Variants in KDM4B observed in about 807,000 individuals in gnomAD.
The protein encoded by KDM4B is lysine-specific demethylase 4B.
KDM4B carries 32 observed loss-of-function variants against 125.2 expected under a neutral mutation model. The ratio of observed to expected loss-of-function variants is 0.26; its 90% CI spans 0.19 to 0.34. KDM4B has a LOEUF of 0.34. Among genes scored for constraint, KDM4B ranks in the 10% least tolerant of loss-of-function variants. The probability of loss-of-function intolerance (pLI) is 1.00; values close to 1 mark genes in which losing one functional copy is unlikely to be tolerated. For synonymous variants in KDM4B, 721 were observed against 677.9 expected (o/e 1.06, Z -0.99); for missense variants, 1,190 against 1,577.7 (o/e 0.75, Z 4.16).
At chr19:5,069,285 CCTT>C (rs1284902895) in intron 6 of KDM4B, among the ~76,000 whole-genome samples, 3 of 152,098 alleles carry the variant, frequency 2.0e-5, no homozygotes, top group Admixed American at 6.5e-5. Context: ...CCTGCCCCCT[CCTT>C]ATTTATTTTT....
chr19:5,023,617 CCTG>C (rs1354086161), intron 2 of KDM4B, among the ~76,000 whole-genome samples: 8 of 152,156 alleles, frequency 5.3e-5, no homozygotes, highest in Non-Finnish European at 1.0e-4. Flanking sequence ...TGGGGCTTCA[CCTG>C]ATGCCCAGCC....
At chr19:5,012,575 C>G (rs1257435818) in intron 1 of KDM4B, among the ~76,000 whole-genome samples, 1 of 152,204 alleles carries the variant, frequency 6.6e-6, no homozygotes, top group Non-Finnish European at 1.5e-5. Flanking sequence ...CCGACACGTT[C>G]CCTGTGTTTT....
chr19:5,102,671 A>G (rs376287607), intron 9 of KDM4B, among the ~76,000 whole-genome samples: 13 of 152,252 alleles, frequency 8.5e-5, no homozygotes, highest in African/African-American at 3.1e-4. Flanking sequence ...GGCTCCCCTC[A>G]GGCTCTCCCT....
At chr19:5,094,275 G>T (rs2038772752) in intron 9 of KDM4B, among the ~76,000 whole-genome samples, 1 of 152,376 alleles carries the variant, frequency 6.6e-6, no homozygotes, top group South Asian at 2.1e-4. Flanking sequence ...CCTCTGTGAG[G>T]CCCCGGGTGC....
In KDM4B at chr19:5,114,296, C is replaced by T. The variant is rs1392499067; in HGVS notation, c.1115+3478C>T. ...CTGGCCCACTGCTGCTCTGTGAGCC[C>T]GGCTGGGCCCAGGCCTCGTCTCCCC... On this transcript the variant is annotated intron_variant, in intron 10 of 22. Coordinates refer to ENST00000159111, the MANE Select transcript of KDM4B (RefSeq NM_015015.3). This position sits in a 1 kb window ranked among gnomAD's most constrained non-coding sequence, Gnocchi z 5.8. 24 of 1,198,430 alleles carry T rather than the reference C, an allele frequency of 2.0e-5. No individual in the cohort carries two copies. The highest frequency in any genetic ancestry group is 3.1e-5 in the African/African-American group (2 of 64,108). The allele number at this position is 1,198,430 out of a possible 1,614,324, so 74.2% of individuals were successfully genotyped here. A position where few individuals can be genotyped will look rare whatever the true frequency, so the allele number is the denominator to read the frequency against.
intron 10 of KDM4B, among the ~76,000 whole-genome samples, chr19:5,118,828 G>A (rs1404423157): frequency 2.0e-5 from 3 of 152,342 alleles, no homozygotes; most frequent in Admixed American, 1.3e-4. Context: ...CCTCCCCGAT[G>A]TACCCCAGGA....
At chr19:5,002,371 A>G (rs1478162653) in intron 1 of KDM4B, among the ~76,000 whole-genome samples, 1 of 151,062 alleles carries the variant, frequency 6.6e-6, no homozygotes, top group Non-Finnish European at 1.5e-5. Context: ...TGCCCTGCAG[A>G]GTGTTTTTTT....
intron 1 of KDM4B, among the ~76,000 whole-genome samples, chr19:4,976,921 G>A (rs967490502): frequency 3.9e-5 from 6 of 152,250 alleles, no homozygotes; most frequent in Admixed American, 1.3e-4. Flanking sequence ...AAATCGTACC[G>A]TTAATTTACG....
chr19:4,994,969 T>G (rs1460902118), intron 1 of KDM4B, among the ~76,000 whole-genome samples: 1 of 152,232 alleles, frequency 6.6e-6, no homozygotes, highest in Non-Finnish European at 1.5e-5. Context: ...CCTTTTGAAC[T>G]GTGCTTAGCA....
chr19:4,974,358 C>T (rs185723415), intron 1 of KDM4B, among the ~76,000 whole-genome samples: 10 of 149,018 alleles, frequency 6.7e-5, no homozygotes, highest in African/African-American at 1.7e-4. Context: ...GTTGAGATCG[C>T]GCCACTGTAC....
At chr19:5,006,499 G>T (rs2035563920) in intron 1 of KDM4B, among the ~76,000 whole-genome samples, 1 of 152,216 alleles carries the variant, frequency 6.6e-6, no homozygotes. Flanking sequence ...TAGGCCGGGT[G>T]CAGTGGCTCA....
At chr19:5,123,964 C>T (rs1195097992) in intron 11 of KDM4B, among the ~76,000 whole-genome samples, 2 of 151,552 alleles carry the variant, frequency 1.3e-5, no homozygotes, top group African/African-American at 2.4e-5. Context: ...TGAGCCGTGA[C>T]CATTCTCCCC....
At position 5,078,770 on chromosome 19, in the gene KDM4B, G is replaced by A. The variant is rs1031356413; in HGVS notation, c.780+1300G>A. On this transcript the variant is annotated intron_variant, in intron 8 of 22. Coordinates refer to ENST00000159111, the MANE Select transcript of KDM4B (RefSeq NM_015015.3). The surrounding 1 kb of genome is among the most constrained non-coding windows in gnomAD (Gnocchi z 4.5). ...AGTTCCTGAACCTGAGCCAAAGGTG[G>A]CTCACCACCAGCCTCAGAGCGGCTG... 17 of 152,200 alleles carry A rather than the reference G, an allele frequency of 1.1e-4. No homozygotes were observed. Among genetic ancestry groups the A allele is most frequent in the African/African-American group, 3.6e-4 (15 of 41,522 alleles). 9.4% of individuals were successfully genotyped at this position (152,200 alleles called of 1,614,324 possible). A position where few individuals can be genotyped will look rare whatever the true frequency, so the allele number is the denominator to read the frequency against.
rs536598253 is a variant in KDM4B at position 5,078,943 on chromosome 19, G to A, written c.780+1473G>A. 1 of 152,162 alleles carries A rather than the reference G, an allele frequency of 6.6e-6. No individual in the cohort carries two copies. Among genetic ancestry groups the A allele is most frequent in the African/African-American group, 2.4e-5 (1 of 41,448 alleles). 9.4% of individuals were successfully genotyped at this position (152,162 alleles called of 1,614,324 possible). A position where few individuals can be genotyped will look rare whatever the true frequency, so the allele number is the denominator to read the frequency against. ...CCCACTGCAGCGAACAGCACCCTGT[G>A]CCGCCCGGCCTGGGGACCGTCCTTC... On this transcript the variant is annotated intron_variant, in intron 8 of 22. Transcript: ENST00000159111. This position sits in a 1 kb window ranked among gnomAD's most constrained non-coding sequence, Gnocchi z 4.5.
At chr19:5,019,568 ATGTTGGTGTGCAGG>A (rs1399314283) in intron 2 of KDM4B, among the ~76,000 whole-genome samples, 40 of 105,670 alleles carry the variant, frequency 3.8e-4, no homozygotes, top group East Asian at 1.6e-3. Context: ...ATTGGTGTGG[ATGTTGGTGTGCAGG>A]TGTTGGTGTG....
chr19:5,119,816 C>T lies in KDM4B; in HGVS notation c.1279C>T (p.Pro427Ser), dbSNP rs925119456. ...CGAGGAGGAGGAGGAGGAGCCGCAG[C>T]CACTGCCACACGGCCGGGAGGCCGA... ...DPEEEEEEPQ[P>S]LPHGREAEGA... Residue 427 changes from proline (P) to serine (S), a missense_variant, in exon 11 of 23, where the codon CCA becomes TCA. By Grantham distance (74) the Pro-to-Ser change is moderately conservative (BLOSUM62 -1). This residue lies in a region of KDM4B where 428 missense variants were observed against 405.1 expected (regional missense o/e 1.06). Coordinates refer to ENST00000159111, the MANE Select transcript of KDM4B (RefSeq NM_015015.3). 1.8e-5 allele frequency: 28 copies of T among 1,544,050 alleles called. No homozygotes were observed. The East Asian group carries it at 6.1e-4, about 34-fold the overall frequency.
Position 5,049,193 on chromosome 19 carries a change from CAG to C in KDM4B, c.626+1525_626+1526del, listed in dbSNP as rs542599553. 2.7e-4 allele frequency among the ~76,000 whole-genome samples: 41 copies of C among 152,232 alleles called. No homozygotes were observed. In the South Asian group the frequency reaches 7.7e-3, roughly 28 times the overall value. ...GGCCACAGGCCGTCGGAGGGACTGA[CAG>C]GGATGCGCCAGGAGCCGAGGGCCTC... On this transcript the variant is annotated intron_variant, in intron 6 of 22. Coordinates refer to ENST00000159111, the MANE Select transcript of KDM4B (RefSeq NM_015015.3).
chr19:5,025,990 G>T (rs890679813), intron 2 of KDM4B, among the ~76,000 whole-genome samples: 1 of 152,022 alleles, frequency 6.6e-6, no homozygotes, highest in East Asian at 1.9e-4. Context: ...TCAGGCAGTT[G>T]TCCTGCCTCA....
At chr19:5,008,004 A>G (rs1188137072) in intron 1 of KDM4B, among the ~76,000 whole-genome samples, 3 of 152,202 alleles carry the variant, frequency 2.0e-5, no homozygotes, top group Non-Finnish European at 4.4e-5. Context: ...AGCTGGGTAT[A>G]CTAGCTCACA....
Sources: allele counts gnomAD v4.1 joint callset (sites outside exome capture counted in the v4.1 genomes callset), GRCh38; gene constraint gnomAD v4.1.1; regional missense constraint gnomAD v4.1.1; non-coding constraint Gnocchi (gnomAD v3.1); transcripts MANE v1.5; gene names NCBI Gene and HGNC (gene_info 2026-07-23, HGNC 2026-07-21).